WDR37: variants seen among roughly 807,000 people sequenced by gnomAD.
The protein encoded by WDR37 is WD repeat-containing protein 37.
WDR37 carries 19 observed loss-of-function variants against 62.9 expected under a neutral mutation model. The ratio of observed to expected loss-of-function variants is 0.30; its 90% CI spans 0.21 to 0.44. The LOEUF is 0.44. Among genes scored for constraint, WDR37 ranks in the 20% least tolerant of loss-of-function variants. The pLI is 1.00. For synonymous variants in WDR37, 250 were observed against 260.9 expected (o/e 0.96, Z 0.40); for missense variants, 474 against 657.6 (o/e 0.72, Z 3.05).
At chr10:1,072,565 C>T (rs1375839578) in intron 2 of WDR37, among the ~76,000 whole-genome samples, 2 of 152,198 alleles carry the variant, frequency 1.3e-5, no homozygotes, top group Non-Finnish European at 1.5e-5. Context: ...CCACCTGTCT[C>T]GCCCTCCCAA....
chr10:1,125,078 A>G, intron 13 of WDR37, 54 bp downstream of exon 13: 1 of 1,583,882 alleles, frequency 6.3e-7, no homozygotes, highest in Non-Finnish European at 8.6e-7. Context: ...GGACGGGTAG[A>G]GATATTTTAC....
At chr10:1,127,831 C>G (rs1415929344) in intron 13 of WDR37, among the ~76,000 whole-genome samples, 1 of 152,228 alleles carries the variant, frequency 6.6e-6, no homozygotes, top group South Asian at 2.1e-4. Flanking sequence ...GGGCGTCTTC[C>G]GGGTGCATCT....
chr10:1,106,323 C>A (rs913046497), intron 11 of WDR37, among the ~76,000 whole-genome samples: 4 of 152,204 alleles, frequency 2.6e-5, no homozygotes, highest in Non-Finnish European at 5.9e-5. Context: ...CTCCTCGCTC[C>A]TCCATGCTCC....
At chr10:1,089,727 CTGTGTTCA>C (rs1834325684) in intron 7 of WDR37, among the ~76,000 whole-genome samples, 1 of 116,062 alleles carries the variant, frequency 8.6e-6, no homozygotes. Context: ...TTCAACCTTC[CTGTGTTCA>C]CTCACTCACC....
chr10:1,128,635 T>C (rs991179695), intron 13 of WDR37, among the ~76,000 whole-genome samples: 2 of 152,392 alleles, frequency 1.3e-5, no homozygotes, highest in East Asian at 3.9e-4. Flanking sequence ...CTTCATTTAT[T>C]CAAAAATTTC....
At chr10:1,068,506 T>C (rs906513084) in intron 1 of WDR37, among the ~76,000 whole-genome samples, 6 of 152,054 alleles carry the variant, frequency 3.9e-5, no homozygotes, top group African/African-American at 1.4e-4. Context: ...ACACCCTAAA[T>C]AGCCTGTCTT....
intron 8 of WDR37, 65 bp downstream of exon 8, chr10:1,093,561 C>A: frequency 7.7e-7 from 1 of 1,306,792 alleles, no homozygotes; most frequent in Non-Finnish European, 1.1e-6. Flanking sequence ...ATAAATATTC[C>A]TTTCTTATCG....
rs1465051041 is a variant in WDR37 at position 1,129,685 on chromosome 10, T to C, written c.*341T>C. 2.1e-5 allele frequency: 4 copies of C among 189,096 alleles called. No homozygotes were observed. The highest frequency in any genetic ancestry group is 1.0e-4 in the South Asian group (1 of 9,602). 11.7% of individuals were successfully genotyped at this position (189,096 alleles called of 1,614,324 possible). ...TGTGAATTAAATGTGAACTTCTGTA[T>C]TACGTTGCGGCGTCGGCAGTCCTGC... is the stretch of plus-strand genomic sequence containing the variant. On this transcript the variant is annotated 3_prime_UTR_variant, in exon 14 of 14. Transcript: ENST00000263150.
chr10:1,124,462 G>C, intron 12 of WDR37, 110 bp downstream of exon 12: 2 of 1,465,506 alleles, frequency 1.4e-6, no homozygotes, highest in Admixed American at 3.6e-5. Flanking sequence ...CGGGAACAAT[G>C]GTTTAGGCTC....
chr10:1,091,114 G>C (rs1249935691), intron 7 of WDR37, among the ~76,000 whole-genome samples: 1 of 152,210 alleles, frequency 6.6e-6, no homozygotes, highest in Non-Finnish European at 1.5e-5. Context: ...GCAGTGCTGC[G>C]AAGCAACTGC....
chr10:1,129,667 TA>T lies in WDR37; in HGVS notation c.*326del. ...AGTAGGGCATTACATTTGTGTGAAT[TA>T]AATGTGAACTTCTGTATTACGTTGC... On this transcript the variant is annotated 3_prime_UTR_variant, in exon 14 of 14. Transcript: ENST00000263150. 1 of 208,106 alleles carries T rather than the reference TA, an allele frequency of 4.8e-6. No individual in the cohort carries two copies. The highest frequency in any genetic ancestry group is 9.7e-6 in the Non-Finnish European group (1 of 102,750). 12.9% of individuals were successfully genotyped at this position (208,106 alleles called of 1,614,324 possible). A position where few individuals can be genotyped will look rare whatever the true frequency, so the allele number is the denominator to read the frequency against.
Position 1,094,368 on chromosome 10 carries a change from C to A in WDR37, c.649+872C>A, listed in dbSNP as rs573283672. Among the ~76,000 whole-genome samples the A allele has an allele frequency of 7.9e-5, 12 of 152,290 alleles. No individual in the cohort carries two copies. The South Asian group carries it at 2.5e-3, about 32-fold the overall frequency. The stretch of plus-strand genomic sequence containing the variant: ...AGAACACTGAGGTTGAGATGACTGG[C>A]CCCTTCATGCAGGTGGAGTTGTTTA... On this transcript the variant is annotated intron_variant, in intron 8 of 13. Coordinates refer to ENST00000263150, the MANE Select transcript of WDR37 (RefSeq NM_014023.4).
intron 7 of WDR37, among the ~76,000 whole-genome samples, chr10:1,090,382 C>T (rs1400699994): frequency 2.0e-5 from 3 of 152,184 alleles, no homozygotes; most frequent in African/African-American, 7.2e-5. Context: ...TGGTCTTGAA[C>T]TCCTGACTTC....
chr10:1,121,641 GTGTT>G lies in WDR37; in HGVS notation c.1104-2572_1104-2569del, dbSNP rs1835583713. On this transcript the variant is annotated intron_variant, in intron 11 of 13. Coordinates refer to ENST00000263150, the MANE Select transcript of WDR37 (RefSeq NM_014023.4). This position sits in a 1 kb window ranked among gnomAD's most constrained non-coding sequence, Gnocchi z 4.5. ...TTGGGCAGTTTCCCCCCAGGAGACA[GTGTT>G]TGTTGTCACCCCTGGGGAGGGGTCT... Among the ~76,000 whole-genome samples the G allele has an allele frequency of 6.6e-6, 1 of 152,170 alleles. No individual in the cohort carries two copies. Among genetic ancestry groups the G allele is most frequent in the Admixed American group, 6.5e-5 (1 of 15,280 alleles).
chr10:1,071,326 A>C (rs890651839), intron 1 of WDR37, among the ~76,000 whole-genome samples: 4 of 152,214 alleles, frequency 2.6e-5, no homozygotes, highest in African/African-American at 9.7e-5. Flanking sequence ...AGGAGGGATC[A>C]GTAATAGCAA....
intron 5 of WDR37, among the ~76,000 whole-genome samples, chr10:1,083,689 CTG>C (rs1298295629): frequency 6.6e-6 from 1 of 152,216 alleles, no homozygotes; most frequent in Non-Finnish European, 1.5e-5. Context: ...GAACTGTCTG[CTG>C]TGTGTGTCGT....
At position 1,080,486 on chromosome 10, in the gene WDR37, C is replaced by T. The variant is rs2131625540; in HGVS notation, c.396+10C>T. ...GGCTTCCACCAGCAAGGTATGCAGG[C>T]CACTGGCTCTTGAGCCATCATGTGG... On this transcript the variant is annotated intron_variant, in intron 5 of 13. Coordinates refer to ENST00000263150, the MANE Select transcript of WDR37 (RefSeq NM_014023.4). The T allele has an allele frequency of 1.9e-6, 3 of 1,614,020 alleles. No individual in the cohort carries two copies. In the East Asian group the frequency reaches 6.7e-5, roughly 36 times the overall value.
chr10:1,066,261 G>A (rs989434328), intron 1 of WDR37, among the ~76,000 whole-genome samples: 20 of 152,104 alleles, frequency 1.3e-4, no homozygotes, highest in Non-Finnish European at 2.4e-4. Flanking sequence ...GACTACAGGT[G>A]CCTGCCACCA....
Position 1,097,717 on chromosome 10 carries a change from T to G in WDR37, c.726+1471T>G, listed in dbSNP as rs181625426. Among the ~76,000 whole-genome samples the G allele has an allele frequency of 3.1e-3, 472 of 152,354 alleles. 1 individual carries two copies. The highest frequency in any genetic ancestry group is 5.4e-3 in the East Asian group (28 of 5,190). ...CGCATCCAGACCAAGAGGGACTCTC[T>G]GGAGCCTGAAGAGCTCGTGGAGTTT... On this transcript the variant is annotated intron_variant, in intron 9 of 13. Transcript: ENST00000263150.
Sources: allele counts gnomAD v4.1 joint callset (sites outside exome capture counted in the v4.1 genomes callset), GRCh38; gene constraint gnomAD v4.1.1; non-coding constraint Gnocchi (gnomAD v3.1); transcripts MANE v1.5; gene names NCBI Gene and HGNC (gene_info 2026-07-23, HGNC 2026-07-21).